The following SYN3 variants were observed in gnomAD, a reference collection of about 807,000 sequenced individuals.
SYN3 encodes synapsin-3.
SYN3 carries 35 observed loss-of-function variants against 65.8 expected under a neutral mutation model. That is an observed-to-expected ratio of 0.53 (90% CI 0.41 to 0.70). SYN3 has a LOEUF of 0.70. SYN3 is among the 30% of genes least tolerant of loss of function. The pLI is 0.00. For missense variants in SYN3, 680 were observed against 749.0 expected (o/e 0.91, Z 1.08); for synonymous variants, 270 against 292.9 (o/e 0.92, Z 0.80).
At chr22:32,833,417 A>C (rs1354535565) in intron 6 of SYN3, among the ~76,000 whole-genome samples, 6 of 152,204 alleles carry the variant, frequency 3.9e-5, no homozygotes, top group African/African-American at 1.4e-4. Flanking sequence ...TCCAAAGGAG[A>C]ATTTTTTTAT....
chr22:32,627,120 G>T (rs2059678340), intron 6 of SYN3, among the ~76,000 whole-genome samples: 1 of 140,850 alleles, frequency 7.1e-6, no homozygotes, highest in Non-Finnish European at 1.6e-5. Context: ...CACCCTCCCG[G>T]GGTCGTTGTG....
intron 7 of SYN3, among the ~76,000 whole-genome samples, chr22:32,577,269 T>C (rs1161864974): frequency 6.6e-6 from 1 of 152,228 alleles, no homozygotes; most frequent in African/African-American, 2.4e-5. Context: ...CTCTGCTTTT[T>C]CTACCTGCGA....
At chr22:32,856,516 T>C (rs2048370499) in intron 6 of SYN3, among the ~76,000 whole-genome samples, 1 of 152,210 alleles carries the variant, frequency 6.6e-6, no homozygotes, top group African/African-American at 2.4e-5. Context: ...ACTCCTCTCC[T>C]GTGTTCCTCT....
At chr22:33,024,625 T>C (rs1327328212) in intron 1 of SYN3, among the ~76,000 whole-genome samples, 1 of 152,214 alleles carries the variant, frequency 6.6e-6, no homozygotes, top group Non-Finnish European at 1.5e-5. Flanking sequence ...TAAAGTATTG[T>C]CAATCTTAAA....
rs956037478 is a variant in SYN3 at position 32,676,214 on chromosome 22, A to G, written c.712-79478T>C. ...TTCACAGTGTGTCCACTTGCAGAGA[A>G]GTTCTGGGTGATGTCCACAATGCTG... On this transcript the variant is annotated intron_variant, in intron 6 of 13. Coordinates refer to ENST00000358763, the MANE Select transcript of SYN3 (RefSeq NM_003490.4). 2.6e-5 allele frequency among the ~76,000 whole-genome samples: 4 copies of G among 151,972 alleles called. No individual in the cohort carries two copies. The East Asian group carries it at 7.8e-4, about 30-fold the overall frequency.
intron 6 of SYN3, among the ~76,000 whole-genome samples, chr22:32,684,927 G>A (rs979194203): frequency 6.6e-6 from 1 of 152,166 alleles, no homozygotes; most frequent in South Asian, 2.1e-4. Context: ...AGATTGTTGG[G>A]AGGACGAAAT....
intron 9 of SYN3, among the ~76,000 whole-genome samples, chr22:32,535,013 G>C (rs114927727): frequency 0.027 from 4,051 of 152,296 alleles, 192 homozygotes; most frequent in African/African-American, 0.093. Context: ...CTCCTGGTAT[G>C]TTCCAGGCAT....
chr22:32,787,195 G>T (rs1046479982), intron 6 of SYN3, among the ~76,000 whole-genome samples: 1 of 151,602 alleles, frequency 6.6e-6, no homozygotes, highest in Non-Finnish European at 1.5e-5. Context: ...TTACAGGTGC[G>T]TGCCACCACA....
At chr22:32,899,302 C>T (rs2049693368) in intron 4 of SYN3, among the ~76,000 whole-genome samples, 1 of 152,140 alleles carries the variant, frequency 6.6e-6, no homozygotes, top group Admixed American at 6.5e-5. Flanking sequence ...ATAATGAACA[C>T]ATATTGAGCA....
intron 2 of SYN3, among the ~76,000 whole-genome samples, chr22:33,005,959 T>C (rs2053184201): frequency 6.6e-6 from 1 of 152,196 alleles, no homozygotes; most frequent in African/African-American, 2.4e-5. Flanking sequence ...TGAACTATAC[T>C]CCATATCAAA....
intron 7 of SYN3, among the ~76,000 whole-genome samples, chr22:32,559,832 CAAAA>C (rs35916830): frequency 1.0e-5 from 1 of 96,086 alleles, no homozygotes; most frequent in Non-Finnish European, 2.2e-5. Context: ...TCCGTCTCAA[CAAAA>C]AAAAAAAAAA....
At chr22:32,919,214 G>A (rs748296952) in intron 4 of SYN3, among the ~76,000 whole-genome samples, 1 of 152,096 alleles carries the variant, frequency 6.6e-6, no homozygotes, top group Non-Finnish European at 1.5e-5. Context: ...CACGGGGCTC[G>A]CTCTGCTCAC....
At chr22:32,952,353 T>C (rs1369170474) in intron 3 of SYN3, among the ~76,000 whole-genome samples, 1 of 151,812 alleles carries the variant, frequency 6.6e-6, no homozygotes, top group Non-Finnish European at 1.5e-5. Flanking sequence ...ATTAAAAATG[T>C]CCAAATAAAT....
chr22:32,674,285 G>A lies in SYN3; in HGVS notation c.712-77549C>T, dbSNP rs1373307293. Among the ~76,000 whole-genome samples the A allele has an allele frequency of 2.6e-5, 4 of 152,296 alleles. No homozygotes were observed. In the East Asian group the frequency reaches 5.8e-4, roughly 22 times the overall value. ...TCTGTCCCTGAGGGATGGTTCTGGA[G>A]TTGGAATTGGGGTGGGGAGGCACCT... On this transcript the variant is annotated intron_variant, in intron 6 of 13. Coordinates refer to ENST00000358763, the MANE Select transcript of SYN3 (RefSeq NM_003490.4).
At chr22:32,562,047 A>T (rs1367885112) in intron 7 of SYN3, among the ~76,000 whole-genome samples, 9 of 152,222 alleles carry the variant, frequency 5.9e-5, no homozygotes. Context: ...GCCAAGCATG[A>T]GGTGGGTTGA....
chr22:32,549,579 T>G (rs1382121464), intron 7 of SYN3, among the ~76,000 whole-genome samples: 1 of 152,166 alleles, frequency 6.6e-6, no homozygotes, highest in Non-Finnish European at 1.5e-5. Flanking sequence ...TCAAGAATTT[T>G]TTTGTGGACA....
rs1299012773 is a variant in SYN3 at position 32,708,852 on chromosome 22, C to G, written c.712-112116G>C. On this transcript the variant is annotated intron_variant, in intron 6 of 13. Coordinates refer to ENST00000358763, the MANE Select transcript of SYN3 (RefSeq NM_003490.4). The stretch of plus-strand genomic sequence containing the variant: ...AGTTACCCCTCACGGGGCCCTTGAG[C>G]CAGCCATTTCCTGGCGTGGGATGCA... 2.0e-5 allele frequency among the ~76,000 whole-genome samples: 3 copies of G among 152,338 alleles called. No homozygotes were observed. The East Asian group carries it at 5.8e-4, about 29-fold the overall frequency.
intron 6 of SYN3, among the ~76,000 whole-genome samples, chr22:32,816,334 C>T (rs374069449): frequency 3.9e-5 from 6 of 152,048 alleles, no homozygotes; most frequent in South Asian, 4.2e-4. Context: ...AGTAGGTGCT[C>T]GATAAACATG....
chr22:32,611,280 TTTTG>T (rs541535603), intron 6 of SYN3, among the ~76,000 whole-genome samples: 3,588 of 93,696 alleles, frequency 0.038, 148 homozygotes, highest in African/African-American at 0.1. Context: ...AGAGTTTTTT[TTTTG>T]TTTTTTTTTT....
Sources: allele counts gnomAD v4.1 joint callset (sites outside exome capture counted in the v4.1 genomes callset), GRCh38; gene constraint gnomAD v4.1.1; transcripts MANE v1.5; gene names NCBI Gene and HGNC (gene_info 2026-07-23, HGNC 2026-07-21).